The following THAP6 variants were observed in gnomAD, a reference collection of about 807,000 sequenced individuals.
THAP6 encodes THAP domain-containing protein 6.
Under a neutral mutation model 20.0 loss-of-function variants are expected in THAP6, and 13 were observed. The ratio of observed to expected loss-of-function variants is 0.65; its 90% CI spans 0.42 to 1.03. The LOEUF (loss-of-function observed/expected upper bound fraction) is 1.03. THAP6 is among the 50% of genes least tolerant of loss of function. THAP6 has a pLI of 0.00. For missense variants in THAP6, 262 were observed against 261.6 expected (o/e 1.00, Z -0.01); for synonymous variants, 93 against 92.2 (o/e 1.01, Z -0.05).
At chr4:75,540,042 A>G in intron 2 of THAP6, 1 of 1,455,378 alleles carries the variant, frequency 6.9e-7, no homozygotes, top group Non-Finnish European at 9.1e-7. Flanking sequence ...ACTGAAAGGG[A>G]AAATTTCAAT....
At position 75,528,015 on chromosome 4, in the gene THAP6, G is replaced by C. The variant is rs1252124411; in HGVS notation, c.*801G>C. The C allele has an allele frequency of 2.0e-6, 2 of 985,084 alleles. No individual in the cohort carries two copies. The highest frequency in any genetic ancestry group is 2.4e-6 in the Non-Finnish European group (2 of 829,770). 61.0% of individuals were successfully genotyped at this position (985,084 alleles called of 1,614,324 possible). On this transcript the variant is annotated 3_prime_UTR_variant, in exon 5 of 5. Coordinates refer to ENST00000311638, the MANE Select transcript of THAP6 (RefSeq NM_144721.6). ...GTTTAAAATCTGAATGGCAGTACTA[G>C]CTCTATACTTTTAATACTGCTTTGT...
At chr4:75,526,885 A>C in intron 4 of THAP6, 75 bp from the exon 5 acceptor site, 1 of 1,529,488 alleles carries the variant, frequency 6.5e-7, no homozygotes, top group Non-Finnish European at 8.8e-7. Flanking sequence ...ATGAAGAAAC[A>C]GCTTAGACCT....
Position 75,527,548 on chromosome 4 carries a change from T to G in THAP6, c.*334T>G. 4.7e-6 allele frequency: 5 copies of G among 1,067,392 alleles called. No individual in the cohort carries two copies. The highest frequency in any genetic ancestry group is 5.7e-6 in the Non-Finnish European group (5 of 880,598). 66.1% of individuals were successfully genotyped at this position (1,067,392 alleles called of 1,614,324 possible). A position where few individuals can be genotyped will look rare whatever the true frequency, so the allele number is the denominator to read the frequency against. On this transcript the variant is annotated 3_prime_UTR_variant, in exon 5 of 5. Transcript: ENST00000311638. ...GCTATAGTAGAAGGAATTGGACACT[T>G]CTCCAGATATTTGGCTTCAAAGGAG...
upstream of THAP6, chr4:75,514,062 C>G (rs1362158853): frequency 1.4e-6 from 2 of 1,391,446 alleles, no homozygotes; most frequent in African/African-American, 1.4e-5. Context: ...TCAAGAAGAA[C>G]CCAGTTCCAG....
chr4:75,542,110 G>C lies in THAP6; in HGVS notation c.166-299G>C, dbSNP rs184577013. Among the ~76,000 whole-genome samples the C allele has an allele frequency of 1.8e-4, 27 of 152,258 alleles. No homozygotes were observed. In the East Asian group the frequency reaches 4.2e-3, roughly 24 times the overall value. On this transcript the variant is annotated intron_variant, in intron 2 of 4. Coordinates refer to the THAP6 transcript ENST00000502620. ...TCCCGTGACACCTACATATTTCAAAGAAATCTCCCAAACCCCTGCCAGCCC... is the reference window on the plus strand; with the variant it reads ...TCCCGTGACACCTACATATTTCAAACAAATCTCCCAAACCCCTGCCAGCCC...
chr4:75,530,160 C>T, downstream of THAP6: 1 of 772,642 alleles, frequency 1.3e-6, no homozygotes, highest in Non-Finnish European at 1.6e-6. Context: ...GGTTAGATGA[C>T]CCACGTAGCA....
chr4:75,545,364 G>A (rs138876286), intron 3 of THAP6, among the ~76,000 whole-genome samples: 356 of 152,264 alleles, frequency 2.3e-3, no homozygotes, highest in Non-Finnish European at 3.1e-3. Flanking sequence ...ACCAGGATGA[G>A]GTTAGGAACC....
At chr4:75,539,372 C>G (rs564366380) in intron 2 of THAP6, among the ~76,000 whole-genome samples, 1 of 152,096 alleles carries the variant, frequency 6.6e-6, no homozygotes, top group East Asian at 1.9e-4. Flanking sequence ...AAGCCCCATA[C>G]GATAGTGTGA....
At chr4:75,540,621 T>C (rs1726976321) in intron 2 of THAP6, among the ~76,000 whole-genome samples, 1 of 152,228 alleles carries the variant, frequency 6.6e-6, no homozygotes, top group East Asian at 1.9e-4. Context: ...AGAAGAGTTT[T>C]ATTAAATAAA....
rs143883400 is a variant in THAP6, at chr4:75,521,156, T to C, written c.289-580T>C. On this transcript the variant is annotated intron_variant, in intron 3 of 4. Transcript: ENST00000311638. The stretch of plus-strand genomic sequence containing the variant: ...ATTTTTTTTTTGAAATTCAGGCTTT[T>C]TTCAATGTAGTCAATTCTATATTTT... 4.3e-4 allele frequency among the ~76,000 whole-genome samples: 66 copies of C among 152,028 alleles called. No homozygotes were observed. In the East Asian group the frequency reaches 0.013, roughly 29 times the overall value.
intron 3 of THAP6, among the ~76,000 whole-genome samples, chr4:75,520,334 C>T (rs183640672): frequency 5.3e-4 from 81 of 152,212 alleles, no homozygotes; most frequent in African/African-American, 1.6e-3. Flanking sequence ...GGTATATATA[C>T]GCTTCAATTA....
chr4:75,530,164 C>T (rs1179461001), downstream of THAP6: 6 of 704,946 alleles, frequency 8.5e-6, no homozygotes, highest in African/African-American at 1.9e-5. Flanking sequence ...AGATGACCCA[C>T]GTAGCAGGCC....
intron 3 of THAP6, among the ~76,000 whole-genome samples, chr4:75,520,243 G>A (rs910345623): frequency 5.3e-5 from 8 of 152,158 alleles, no homozygotes; most frequent in Middle Eastern, 3.2e-3. Flanking sequence ...TTTGTCAGAT[G>A]AGTAGGTTGC....
chr4:75,518,365 C>T (rs141671883), intron 3 of THAP6, among the ~76,000 whole-genome samples: 29 of 152,136 alleles, frequency 1.9e-4, no homozygotes, highest in East Asian at 3.9e-4. Flanking sequence ...TGTAATTATC[C>T]GTAAATATGC....
chr4:75,537,740 C>T (rs1345233712), intron 2 of THAP6, among the ~76,000 whole-genome samples: 2 of 152,154 alleles, frequency 1.3e-5, no homozygotes, highest in African/African-American at 2.4e-5. Context: ...GGATTCTCCA[C>T]CTGAGTCCTT....
intron 4 of THAP6, among the ~76,000 whole-genome samples, chr4:75,523,135 C>T (rs1236253948): frequency 6.6e-6 from 1 of 152,126 alleles, no homozygotes; most frequent in Non-Finnish European, 1.5e-5. Flanking sequence ...GGTATAAAAG[C>T]CATTTTAACT....
At chr4:75,515,783 A>G (rs2148799489) in intron 2 of THAP6, among the ~76,000 whole-genome samples, 1 of 152,378 alleles carries the variant, frequency 6.6e-6, no homozygotes, top group African/African-American at 2.4e-5. Context: ...TTTTGCTAAT[A>G]TTATTACTTT....
At chr4:75,521,955 T>C (rs1420164954) in intron 4 of THAP6, 94 bp downstream of exon 4, 1 of 1,457,546 alleles carries the variant, frequency 6.9e-7, no homozygotes, top group Middle Eastern at 1.8e-4. Flanking sequence ...TAGCAAAATC[T>C]AGGGGTTAAT....
intron 2 of THAP6, 68 bp from the exon 3 acceptor site, chr4:75,516,704 G>C (rs1281524161): frequency 1.5e-6 from 2 of 1,352,524 alleles, no homozygotes; most frequent in Non-Finnish European, 2.0e-6. Flanking sequence ...AGTTGTATAA[G>C]GCAGCTTTAA....
Sources: allele counts gnomAD v4.1 joint callset (sites outside exome capture counted in the v4.1 genomes callset), GRCh38; gene constraint gnomAD v4.1.1; transcripts MANE v1.5; gene names NCBI Gene and HGNC (gene_info 2026-07-23, HGNC 2026-07-21).